PPWD1: variants seen among roughly 807,000 people sequenced by gnomAD.
The protein encoded by PPWD1 is peptidylprolyl isomerase domain and WD repeat-containing protein 1.
In PPWD1, 43 loss-of-function variants were observed where a neutral mutation model predicts 68.8. The ratio of observed to expected loss-of-function variants is 0.62; its 90% confidence interval spans 0.49 to 0.81. The LOEUF is 0.81. Among genes scored for constraint, PPWD1 ranks in the 30% least tolerant of loss-of-function variants. The pLI, the probability that PPWD1 is intolerant of heterozygous loss-of-function variation, is 0.00. For synonymous variants in PPWD1, 232 were observed against 258.7 expected, an observed-to-expected ratio of 0.90 and a Z score of 0.99; for missense variants, 672 against 804.8, an observed-to-expected ratio of 0.83 and a Z score of 2.00.
intron 2 of PPWD1, chr5:65,568,812 C>T (rs746892188): frequency 5.7e-6 from 2 of 353,794 alleles, no homozygotes; most frequent in Non-Finnish European, 1.1e-5. Flanking sequence ...ATATTAGCAC[C>T]TTTTCTAGTC....
At chr5:65,571,135 C>T (rs1426286876) in intron 4 of PPWD1, among the ~76,000 whole-genome samples, 1 of 152,072 alleles carries the variant, frequency 6.6e-6, no homozygotes, top group African/African-American at 2.4e-5. Context: ...GAGTATATTT[C>T]AGACTTTGAT....
chr5:65,582,010 T>C (rs1318037159), intron 7 of PPWD1, among the ~76,000 whole-genome samples: 2 of 152,190 alleles, frequency 1.3e-5, no homozygotes, highest in Admixed American at 6.5e-5. Flanking sequence ...GTCATAACTT[T>C]AAAAAATTCA....
intron 8 of PPWD1, among the ~76,000 whole-genome samples, chr5:65,583,999 A>AG (rs1753712034): frequency 6.6e-6 from 1 of 152,210 alleles, no homozygotes; most frequent in Admixed American, 6.5e-5. Context: ...ATTGAAAAAA[A>AG]GGTGAACAGT....
At chr5:65,574,119 A>G (rs1753164075) in intron 5 of PPWD1, among the ~76,000 whole-genome samples, 2 of 152,148 alleles carry the variant, frequency 1.3e-5, no homozygotes, top group Admixed American at 1.3e-4. Context: ...AAATTCTGTC[A>G]ACTCTTTCTA....
At position 65,583,027 on chromosome 5, in the gene PPWD1, T is replaced by G. The variant is rs1753664718; in HGVS notation, c.1351-11T>G. 1 of 1,535,410 alleles carries G rather than the reference T, an allele frequency of 6.5e-7. No individual in the cohort carries two copies. Among genetic ancestry groups the G allele is most frequent in the Non-Finnish European group, 8.8e-7 (1 of 1,140,070 alleles). On this transcript the variant is annotated splice_polypyrimidine_tract_variant and intron_variant, in intron 7 of 10. Transcript: ENST00000261308. ...TAATTCGTTGACTCACTTTTTACTT[T>G]CCTCCTTGAGTTTACCAAACGAGAA...
intron 10 of PPWD1, 58 bp downstream of exon 10, chr5:65,586,239 T>A: frequency 6.7e-7 from 1 of 1,497,572 alleles, no homozygotes; most frequent in Non-Finnish European, 9.1e-7. Context: ...TGTAAGAGAG[T>A]GAACTCAGTA....
At chr5:65,584,548 T>C (rs1343496686) in intron 8 of PPWD1, among the ~76,000 whole-genome samples, 3 of 152,036 alleles carry the variant, frequency 2.0e-5, no homozygotes, top group African/African-American at 7.2e-5. Flanking sequence ...TATAATACTA[T>C]ATGGAGTAAA....
In PPWD1 at chr5:65,587,432, T is replaced by C. The variant is rs1219187406; in HGVS notation, c.*36T>C. The C allele has an allele frequency of 6.6e-7, 1 of 1,516,486 alleles. No individual in the cohort carries two copies. The highest frequency in any genetic ancestry group is 9.1e-7 in the Non-Finnish European group (1 of 1,102,544). The allele number at this position is 1,516,486 out of a possible 1,614,324, so 93.9% of individuals were successfully genotyped here. ...GTTTTAATGTACTTGCAAATAAAAA[T>C]ACAATATTAAACAGATTATTTTACA... On this transcript the variant is annotated 3_prime_UTR_variant, in exon 11 of 11. Coordinates refer to ENST00000261308, the MANE Select transcript of PPWD1 (RefSeq NM_015342.4).
At chr5:65,566,734 C>T (rs1752785617) in intron 1 of PPWD1, among the ~76,000 whole-genome samples, 1 of 150,930 alleles carries the variant, frequency 6.6e-6, no homozygotes, top group Non-Finnish European at 1.5e-5. Flanking sequence ...TCTCTTCCTT[C>T]TTCTCTCCCT....
At chr5:65,570,757 A>G (rs1040120829) in intron 4 of PPWD1, among the ~76,000 whole-genome samples, 1 of 152,040 alleles carries the variant, frequency 6.6e-6, no homozygotes, top group African/African-American at 2.4e-5. Flanking sequence ...GGGAGAGGGA[A>G]GAAGGAAAGG....
intron 7 of PPWD1, among the ~76,000 whole-genome samples, chr5:65,580,644 G>C (rs1561730967): frequency 6.6e-6 from 1 of 152,170 alleles, no homozygotes; most frequent in Admixed American, 6.5e-5. Context: ...CTCCTGGGTA[G>C]CTGGGATTAT....
At chr5:65,580,192 G>C (rs372619638) in intron 7 of PPWD1, among the ~76,000 whole-genome samples, 30 of 152,096 alleles carry the variant, frequency 2.0e-4, no homozygotes, top group African/African-American at 7.0e-4. Flanking sequence ...CATCCAAGCA[G>C]GAAAATCAAA....
At chr5:65,574,817 C>T (rs1475685123) in intron 5 of PPWD1, among the ~76,000 whole-genome samples, 1 of 152,246 alleles carries the variant, frequency 6.6e-6, no homozygotes, top group Non-Finnish European at 1.5e-5. Context: ...TCTATTTGCT[C>T]ATTGTTGTCT....
chr5:65,567,552 G>A lies in PPWD1; in HGVS notation c.236G>A (p.Ser79Asn). The A allele has an allele frequency of 6.2e-7, 1 of 1,611,686 alleles. No individual in the cohort carries two copies. The highest frequency in any genetic ancestry group is 8.5e-7 in the Non-Finnish European group (1 of 1,178,876). The change falls in exon 2 of 11, where the codon AGT becomes AAT. Residue 79 changes from serine (S) to asparagine (N), a missense_variant. Physicochemically the swap from Ser to Asn is conservative, Grantham distance 46. Around this residue, in one of 2 missense-constraint regions of PPWD1, gnomAD observed 188 missense variants for 158.6 expected, o/e 1.19. Transcript: ENST00000261308. ...AGAGTCTATCTTGATAATCTCCCCA[G>A]TGCATCCATGTATGAGCGCAGTTAC... ...FERVYLDNLPSASMYERSYMH... is the reference protein window; with the variant it reads ...FERVYLDNLPNASMYERSYMH...
chr5:65,586,379 T>C (rs1753851087), intron 10 of PPWD1, among the ~76,000 whole-genome samples, 198 bp downstream of exon 10: 1 of 152,202 alleles, frequency 6.6e-6, no homozygotes, highest in African/African-American at 2.4e-5. Flanking sequence ...ACTGCCACTG[T>C]AGTAAGAAAT....
chr5:65,583,953 A>T (rs1753710043), intron 8 of PPWD1, among the ~76,000 whole-genome samples: 1 of 152,150 alleles, frequency 6.6e-6, no homozygotes, highest in African/African-American at 2.4e-5. Flanking sequence ...CCCTGTTTCT[A>T]CAAAAACAAA....
In PPWD1 at chr5:65,571,830, C is replaced by A. The variant is rs745668663; in HGVS notation, c.522-9C>A. 1 of 1,606,766 alleles carries A rather than the reference C, an allele frequency of 6.2e-7. No homozygotes were observed. The highest frequency in any genetic ancestry group is 1.1e-5 in the South Asian group (1 of 90,526). On this transcript the variant is annotated splice_polypyrimidine_tract_variant and intron_variant, in intron 4 of 10. Transcript: ENST00000261308. Reference sequence around the variant, plus strand: ...TTTTTTTTTCCCTCTCAATTCTTTACGATTTTAGCTATTTTCCTGGACAGT... The same window carrying A: ...TTTTTTTTTCCCTCTCAATTCTTTAAGATTTTAGCTATTTTCCTGGACAGT...
chr5:65,581,987 A>G (rs189646881), intron 7 of PPWD1, among the ~76,000 whole-genome samples: 19 of 152,332 alleles, frequency 1.2e-4, no homozygotes, highest in Admixed American at 3.3e-4. Flanking sequence ...TTACAAATCC[A>G]TATATCAGCT....
rs2150594437 is a variant in PPWD1 at position 65,571,947 on chromosome 5, A to G, written c.630A>G (p.Gly210=). Residue 210 remains glycine (G), a synonymous_variant, in exon 5 of 11, where the codon GGA becomes GGG. Coordinates refer to ENST00000261308, the MANE Select transcript of PPWD1 (RefSeq NM_015342.4). ...AAATTTTCATTTATGATGGCCGAGG[A>G]GATAACCAGCCACTTCATATTTTTG... ...TGKIFIYDGR[G]DNQPLHIFDK... 1 of 1,614,054 alleles carries G rather than the reference A, an allele frequency of 6.2e-7. No homozygotes were observed. The highest frequency in any genetic ancestry group is 8.5e-7 in the Non-Finnish European group (1 of 1,179,942).
Sources: gnomAD v4.1 joint callset for allele counts (sites outside exome capture counted in the v4.1 genomes callset) on GRCh38, gnomAD v4.1.1 for gene constraint, gnomAD v4.1.1 regional missense constraint, MANE v1.5 for transcripts, NCBI Gene and HGNC (gene_info 2026-07-23, HGNC 2026-07-21) for gene names.